ADK: variants seen among roughly 807,000 people sequenced by gnomAD.
The protein encoded by ADK is N6,N6-dimethyladenosine kinase.
ADK carries 24 observed loss-of-function variants against 44.7 expected under a neutral mutation model. The observed-to-expected ratio is 0.54, with a 90% CI of 0.39 to 0.76. ADK has a LOEUF of 0.76. ADK is among the 30% of genes least tolerant of loss of function. The pLI, the probability that ADK is intolerant of heterozygous loss-of-function variation, is 0.00. For missense variants in ADK, 321 were observed against 425.1 expected (o/e 0.76, Z 2.15); for synonymous variants, 128 against 142.6 (o/e 0.90, Z 0.73).
intron 4 of ADK, among the ~76,000 whole-genome samples, chr10:74,359,637 G>T (rs983681640): frequency 6.6e-6 from 1 of 152,148 alleles, no homozygotes; most frequent in Admixed American, 6.5e-5. Context: ...TTGGGCCCAG[G>T]TGGTCAAGGC....
intron 4 of ADK, among the ~76,000 whole-genome samples, chr10:74,322,752 C>T (rs1042455233): frequency 1.8e-4 from 27 of 151,312 alleles, no homozygotes; most frequent in Non-Finnish European, 3.4e-4. Flanking sequence ...CTCTTCTTCC[C>T]TTTACCCCTC....
intron 6 of ADK, among the ~76,000 whole-genome samples, chr10:74,521,964 C>T (rs1848852833): frequency 6.6e-6 from 1 of 152,058 alleles, no homozygotes; most frequent in Admixed American, 6.6e-5. Context: ...TTTCACTAAA[C>T]ATACTAAAAC....
intron 6 of ADK, among the ~76,000 whole-genome samples, chr10:74,523,811 A>T (rs1848931666): frequency 6.6e-6 from 1 of 152,198 alleles, no homozygotes; most frequent in African/African-American, 2.4e-5. Context: ...CAAGTCCTGT[A>T]TGTAGTACTC....
At chr10:74,162,835 G>A (rs1337828673) in intron 1 of ADK, among the ~76,000 whole-genome samples, 2 of 152,130 alleles carry the variant, frequency 1.3e-5, no homozygotes, top group African/African-American at 2.4e-5. Context: ...GAGCTACCAC[G>A]CCTGTCCCCA....
intron 4 of ADK, among the ~76,000 whole-genome samples, chr10:74,383,608 T>C (rs1208710365): frequency 6.6e-6 from 1 of 152,196 alleles, no homozygotes; most frequent in Non-Finnish European, 1.5e-5. Flanking sequence ...CTAATTTATA[T>C]TCTAAGTTTT....
At chr10:74,592,928 C>T (rs1209262261) in intron 8 of ADK, among the ~76,000 whole-genome samples, 3 of 152,306 alleles carry the variant, frequency 2.0e-5, no homozygotes, top group South Asian at 4.1e-4. Context: ...ATATTGAGTA[C>T]TCTATAGACT....
intron 4 of ADK, among the ~76,000 whole-genome samples, chr10:74,384,980 A>T (rs1219995399): frequency 6.6e-6 from 1 of 152,194 alleles, no homozygotes; most frequent in Non-Finnish European, 1.5e-5. Flanking sequence ...AACTAAAGGC[A>T]GGGAGATGAT....
chr10:74,215,627 T>C (rs1843982603), intron 2 of ADK, among the ~76,000 whole-genome samples: 1 of 150,248 alleles, frequency 6.7e-6, no homozygotes, highest in African/African-American at 2.5e-5. Context: ...GCCCAGCTAA[T>C]GATTTTTAAT....
At chr10:74,154,507 G>A (rs1193283001) in intron 1 of ADK, among the ~76,000 whole-genome samples, 1 of 152,100 alleles carries the variant, frequency 6.6e-6, no homozygotes, top group Non-Finnish European at 1.5e-5. Flanking sequence ...GACCTCAAGC[G>A]ATCCACCTGC....
intron 2 of ADK, among the ~76,000 whole-genome samples, chr10:74,218,018 C>T (rs963052088): frequency 1.3e-4 from 20 of 152,112 alleles, no homozygotes; most frequent in South Asian, 4.1e-4. Flanking sequence ...CAAAGCTGGA[C>T]GGAGAATGAC....
intron 6 of ADK, among the ~76,000 whole-genome samples, chr10:74,503,452 G>A (rs1847946495): frequency 6.6e-6 from 1 of 152,152 alleles, no homozygotes; most frequent in Admixed American, 6.6e-5. Context: ...AGCTACTATT[G>A]TTTAGGAAAT....
intron 3 of ADK, among the ~76,000 whole-genome samples, chr10:74,287,982 C>CAAAAA (rs367569110): frequency 5.8e-5 from 4 of 68,628 alleles, no homozygotes; most frequent in East Asian, 4.7e-4. Flanking sequence ...GACCCTGTCT[C>CAAAAA]AAAAAAAAAA....
At chr10:74,394,544 C>T (rs1592146481) in intron 5 of ADK, among the ~76,000 whole-genome samples, 1 of 152,270 alleles carries the variant, frequency 6.6e-6, no homozygotes, top group African/African-American at 2.4e-5. Flanking sequence ...TTAGTCCAGT[C>T]TCTACTTTTT....
At chr10:74,364,601 C>T (rs1842439457) in intron 4 of ADK, among the ~76,000 whole-genome samples, 1 of 151,928 alleles carries the variant, frequency 6.6e-6, no homozygotes, top group African/African-American at 2.4e-5. Context: ...GGCTCCTCTT[C>T]TTCCTTTTCC....
chr10:74,694,711 G>A (rs2134277681), intron 10 of ADK, among the ~76,000 whole-genome samples: 1 of 152,128 alleles, frequency 6.6e-6, no homozygotes, highest in Middle Eastern at 3.4e-3. Flanking sequence ...CAAACTCCTG[G>A]GCTCAAGCAA....
At chr10:74,437,653 G>A (rs1845230303) in intron 6 of ADK, among the ~76,000 whole-genome samples, 1 of 152,144 alleles carries the variant, frequency 6.6e-6, no homozygotes, top group African/African-American at 2.4e-5. Flanking sequence ...TCTCCTGACT[G>A]ATCTCCTTCT....
intron 6 of ADK, among the ~76,000 whole-genome samples, chr10:74,480,435 T>C (rs1405456580): frequency 6.6e-6 from 1 of 151,800 alleles, no homozygotes; most frequent in Non-Finnish European, 1.5e-5. Flanking sequence ...GTTGGTTGGT[T>C]GGTTTTGTTT....
At chr10:74,281,451 A>G (rs1846932367) in intron 3 of ADK, among the ~76,000 whole-genome samples, 1 of 152,238 alleles carries the variant, frequency 6.6e-6, no homozygotes, top group African/African-American at 2.4e-5. Flanking sequence ...GATCCTAGAC[A>G]TTAAATTGTT....
Position 74,525,642 on chromosome 10 carries a change from A to T in ADK, c.726+216A>T, listed in dbSNP as rs111871581. 5.0e-3 allele frequency among the ~76,000 whole-genome samples: 752 copies of T among 151,892 alleles called. 9 individuals are homozygous for T. Among genetic ancestry groups the T allele is most frequent in the African/African-American group, 0.017 (701 of 41,442 alleles). ...TAACTTCTTTCTTAGTGAAGCATTTATTTATTTATTTTTATATTTTTATTT... is the reference window on the plus strand; with the variant it reads ...TAACTTCTTTCTTAGTGAAGCATTTTTTTATTTATTTTTATATTTTTATTT... On this transcript the variant is annotated intron_variant, in intron 7 of 10. Transcript: ENST00000539909.
Sources: allele counts gnomAD v4.1 joint callset (sites outside exome capture counted in the v4.1 genomes callset), GRCh38; gene constraint gnomAD v4.1.1; transcripts MANE v1.5; gene names NCBI Gene and HGNC (gene_info 2026-07-23, HGNC 2026-07-21).